The following COL20A1 variants were observed in gnomAD, a reference collection of about 807,000 sequenced individuals.
COL20A1 encodes collagen type XX alpha 1 chain, also known as collagen alpha-1(XX) chain.
A neutral mutation model predicts 152.9 loss-of-function variants in COL20A1; 164 were observed. That is an observed-to-expected ratio of 1.07 (90% CI 0.94 to 1.22). The LOEUF (loss-of-function observed/expected upper bound fraction) is 1.22, where lower values mean the gene tolerates loss of function less well. Ranked by LOEUF, COL20A1 falls within the 50% of genes most tolerant of loss-of-function variation. COL20A1 has a pLI of 0.00. For missense variants in COL20A1, 1,873 were observed against 1,744.8 expected (o/e 1.07, Z -1.31); for synonymous variants, 864 against 756.0 (o/e 1.14, Z -2.34).
rs1339972284 is a variant in COL20A1, at chr20:63,319,071, GC to G, written c.2683del (p.Leu895TyrfsTer27). 2.5e-6 allele frequency: 4 copies of G among 1,592,564 alleles called. No individual in the cohort carries two copies. The highest frequency in any genetic ancestry group is 2.3e-5 in the East Asian group (1 of 44,186). ...LTRRVSDVYP[A>X]PLPPEHTIVF... ...CAACCCCCACAGTGACGTCTACCCAGCCCCCCTACCTCCAGAGCACACCATC... is the reference window on the plus strand; with the variant it reads ...CAACCCCCACAGTGACGTCTACCCAGCCCCCTACCTCCAGAGCACACCATC... On this transcript the variant is annotated frameshift_variant, in exon 22 of 36. Transcript: ENST00000358894. LOFTEE classifies it high-confidence loss of function. This position sits in a 1 kb window ranked among gnomAD's most constrained non-coding sequence, Gnocchi z 4.4.
At chr20:63,320,918 C>T (rs2068153709) in intron 25 of COL20A1, 95 bp from the exon 26 acceptor site, 5 of 964,210 alleles carry the variant, frequency 5.2e-6, no homozygotes, top group Non-Finnish European at 7.8e-6. Context: ...GGAAGTCTCC[C>T]TGGAGCCCAG....
At chr20:63,304,998 G>T (rs1459338714) in intron 3 of COL20A1, among the ~76,000 whole-genome samples, 2 of 152,158 alleles carry the variant, frequency 1.3e-5, no homozygotes, top group Non-Finnish European at 2.9e-5. Context: ...CTTGCGGCTG[G>T]TCGGTCCGTG....
intron 33 of COL20A1, 24 bp from the exon 34 acceptor site, chr20:63,328,307 T>C: frequency 6.3e-7 from 1 of 1,599,638 alleles, no homozygotes; most frequent in South Asian, 1.1e-5. Flanking sequence ...CACTGTGTCC[T>C]GCTGACACCC....
rs370791937 is a variant in COL20A1 at position 63,294,778 on chromosome 20, C to G, written c.-10-320C>G. 1.7e-4 allele frequency among the ~76,000 whole-genome samples: 26 copies of G among 152,312 alleles called. No individual in the cohort carries two copies. The East Asian group carries it at 3.9e-3, about 23-fold the overall frequency. ...AGGCCCCGTGCCCGTCCCAGCCACC[C>G]CTGCACTGGGCGTGGGGACAACTGG... is the stretch of plus-strand genomic sequence containing the variant. On this transcript the variant is annotated intron_variant, in intron 1 of 35. Coordinates refer to ENST00000358894, the MANE Select transcript of COL20A1 (RefSeq NM_020882.4).
rs2068023792 is a variant in COL20A1 at position 63,312,567 on chromosome 20, G to A, written c.1933+18G>A. 2 of 1,555,098 alleles carry A rather than the reference G, an allele frequency of 1.3e-6. No homozygotes were observed. Among genetic ancestry groups the A allele is most frequent in the African/African-American group, 1.4e-5 (1 of 73,118 alleles). On this transcript the variant is annotated intron_variant, in intron 15 of 35. Transcript: ENST00000358894. ...GACCACCAGTGAGTGGGGAGAGGCTGGGGCTGGGGGTCCAGCAGGGTTTCT... is the reference window on the plus strand; with the variant it reads ...GACCACCAGTGAGTGGGGAGAGGCTAGGGCTGGGGGTCCAGCAGGGTTTCT...
At position 63,313,939 on chromosome 20, in the gene COL20A1, G is replaced by A; in HGVS notation, c.2358+48G>A. 3.2e-6 allele frequency: 5 copies of A among 1,582,880 alleles called. No homozygotes were observed. Among genetic ancestry groups the A allele is most frequent in the Non-Finnish European group, 4.3e-6 (5 of 1,164,264 alleles). Reference sequence around the variant, plus strand: ...GCTGCCCCACCTCGTGGGGCCTCCTGGAAGGGGTATGGCCACACTGTCTGC... The same window carrying A: ...GCTGCCCCACCTCGTGGGGCCTCCTAGAAGGGGTATGGCCACACTGTCTGC... On this transcript the variant is annotated intron_variant, in intron 18 of 35. Transcript: ENST00000358894. This position sits in a 1 kb window ranked among gnomAD's most constrained non-coding sequence, Gnocchi z 5.9.
At position 63,314,127 on chromosome 20, in the gene COL20A1, C is replaced by T. The variant is rs1253127212; in HGVS notation, c.2414C>T (p.Thr805Met). 9 of 1,611,530 alleles carry T rather than the reference C, an allele frequency of 5.6e-6. No homozygotes were observed. Among genetic ancestry groups the T allele is most frequent in the African/African-American group, 2.7e-5 (2 of 74,904 alleles). The change falls in exon 19 of 36, where the codon ACG becomes ATG. Residue 805 changes from threonine to methionine, a missense_variant. Thr to Met is a moderately conservative substitution (Grantham distance 81). Transcript: ENST00000358894. ...ACACTGCCCGACCTGCAGGCAGCCA[C>T]GAAGTACAGGGTCCTGGTCTCAGCT... ...HVTLPDLQAATKYRVLVSAIY... is the reference protein window; with the variant it reads ...HVTLPDLQAAMKYRVLVSAIY...
rs2068091090 is a variant in COL20A1, at chr20:63,316,802, G to T, written c.2663+111G>T. On this transcript the variant is annotated intron_variant, in intron 21 of 35. Coordinates refer to ENST00000358894, the MANE Select transcript of COL20A1 (RefSeq NM_020882.4). ...GGCCGGAGACCTCCTGGAGGCTGTG[G>T]GACAGGGCAGCGCTGCTATGTCAGC... 2.8e-6 allele frequency: 3 copies of T among 1,090,508 alleles called. No homozygotes were observed. The South Asian group carries it at 5.3e-5, about 19-fold the overall frequency. The allele number at this position is 1,090,508 out of a possible 1,614,324, so 67.6% of individuals were successfully genotyped here.
rs377307928 is a variant in COL20A1, at chr20:63,328,524, G to C, written c.3781+26G>C. The C allele has an allele frequency of 2.2e-4, 343 of 1,591,682 alleles. 4 individuals are homozygous for C. In the African/African-American group the frequency reaches 4.1e-3, roughly 19 times the overall value. ...GTACTGGGCTCCTGGCTCTTGGGGA[G>C]GGAGTTGTGGCCGGTGGGGGCGCCG... is the stretch of plus-strand genomic sequence containing the variant. On this transcript the variant is annotated intron_variant, in intron 34 of 35. Transcript: ENST00000358894.
rs771518879 is a variant in COL20A1 at position 63,297,890 on chromosome 20, A to G, written c.83-20A>G. 6 of 1,602,118 alleles carry G rather than the reference A, an allele frequency of 3.7e-6. No individual in the cohort carries two copies. The Admixed American group carries it at 8.4e-5, about 22-fold the overall frequency. On this transcript the variant is annotated intron_variant, in intron 2 of 35. Transcript: ENST00000358894. ...TGGGGAGGCCAGGTCAGTCCTGACCACTATGTCCTGTTTCTGTAGCAAGCG... is the reference window on the plus strand; with the variant it reads ...TGGGGAGGCCAGGTCAGTCCTGACCGCTATGTCCTGTTTCTGTAGCAAGCG...
intron 20 of COL20A1, 74 bp downstream of exon 20, chr20:63,315,513 G>A: frequency 1.5e-6 from 2 of 1,365,308 alleles, no homozygotes; most frequent in Non-Finnish European, 2.0e-6. Context: ...GGGGCCAAGG[G>A]TGTCGTGACC....
chr20:63,304,634 T>G (rs2067900726), intron 3 of COL20A1, among the ~76,000 whole-genome samples: 1 of 145,356 alleles, frequency 6.9e-6, no homozygotes, highest in South Asian at 2.3e-4. Flanking sequence ...TGCGCAGATG[T>G]GGGTTCCTCC....
In COL20A1 at chr20:63,313,652, C is replaced by T; in HGVS notation, c.2210-91C>T. 7.9e-7 allele frequency: 1 copy of T among 1,259,572 alleles called. No individual in the cohort carries two copies. The highest frequency in any genetic ancestry group is 1.1e-6 in the Non-Finnish European group (1 of 930,310). 78.0% of individuals were successfully genotyped at this position (1,259,572 alleles called of 1,614,324 possible). ...GATGTGGTGGAGGCATTACGCAGAG[C>T]AGGGTAGGGGCTGGGCAGCTGGTCC... On this transcript the variant is annotated intron_variant, in intron 17 of 35. Coordinates refer to ENST00000358894, the MANE Select transcript of COL20A1 (RefSeq NM_020882.4). The surrounding 1 kb of genome is among the most constrained non-coding windows in gnomAD (Gnocchi z 5.9).
Position 63,315,409 on chromosome 20 carries a change from C to T in COL20A1, c.2494C>T (p.Pro832Ser). Reference protein sequence around the residue: ...AVSATGQTACPALRPDGSLPG... With the variant: ...AVSATGQTACSALRPDGSLPG... ...ACCCTGTCTCCTCTCAGCAGCCTGC[C>T]CAGCCCTCCGCCCTGACGGCTCCCT... The change falls in exon 20 of 36, where the codon CCA becomes TCA. Residue 832 changes from proline (P) to serine (S), a missense_variant. Physicochemically the swap from Pro to Ser is moderately conservative, Grantham distance 74 (BLOSUM62 -1). Coordinates refer to ENST00000358894, the MANE Select transcript of COL20A1 (RefSeq NM_020882.4). 2.5e-6 allele frequency: 4 copies of T among 1,577,376 alleles called. No individual in the cohort carries two copies. The South Asian group carries it at 4.6e-5, about 18-fold the overall frequency.
At position 63,313,502 on chromosome 20, in the gene COL20A1, G is replaced by T. The variant is rs368500406; in HGVS notation, c.2210-241G>T. Among the ~76,000 whole-genome samples the T allele has an allele frequency of 7.4e-4, 113 of 152,270 alleles. No individual in the cohort carries two copies. Among genetic ancestry groups the T allele is most frequent in the African/African-American group, 2.7e-3 (112 of 41,550 alleles). ...GCAGCCCAGGCAGCAGCCCTGGTTG[G>T]GGGTATGGTGAGGGCCCTGGCAGGT... On this transcript the variant is annotated intron_variant, in intron 17 of 35. Transcript: ENST00000358894. The surrounding 1 kb of genome is among the most constrained non-coding windows in gnomAD (Gnocchi z 5.9).
intron 21 of COL20A1, among the ~76,000 whole-genome samples, chr20:63,317,459 G>A (rs1017091881): frequency 4.6e-5 from 6 of 131,098 alleles, no homozygotes; most frequent in East Asian, 2.3e-4. Context: ...GCAATACTCC[G>A]TCCCTTAAAA....
chr20:63,307,775 T>C, intron 6 of COL20A1, 127 bp downstream of exon 6: 1 of 1,220,264 alleles, frequency 8.2e-7, no homozygotes, highest in Non-Finnish European at 1.1e-6. Flanking sequence ...GTGGGACGCC[T>C]GCTCCACATG....
At chr20:63,323,824 G>A (rs1028732116) in intron 27 of COL20A1, among the ~76,000 whole-genome samples, 6 of 152,204 alleles carry the variant, frequency 3.9e-5, no homozygotes, top group African/African-American at 1.4e-4. Context: ...GAATTTTCCT[G>A]GCTCTCTTTG....
rs115782548 is a variant in COL20A1 at position 63,321,033 on chromosome 20, C to T, written c.3174C>T (p.Pro1058=). 8 of 1,594,302 alleles carry T rather than the reference C, an allele frequency of 5.0e-6. No homozygotes were observed. The highest frequency in any genetic ancestry group is 2.3e-5 in the South Asian group (2 of 87,338). Residue 1058 remains proline, a synonymous_variant, in exon 26 of 36, where the codon CCC becomes CCT. Transcript: ENST00000358894. ...LPASRDGETC[P]AFVSACSCSS... ...TCCAGAGGGATGGAGAGACCTGCCCCGCCTTCGTGTCTGCCTGTTCCTGTT... is the reference window on the plus strand; with the variant it reads ...TCCAGAGGGATGGAGAGACCTGCCCTGCCTTCGTGTCTGCCTGTTCCTGTT...
Sources: gnomAD v4.1 joint callset for allele counts (sites outside exome capture counted in the v4.1 genomes callset) on GRCh38, gnomAD v4.1.1 for gene constraint, Gnocchi (gnomAD v3.1) non-coding constraint, MANE v1.5 for transcripts, NCBI Gene and HGNC (gene_info 2026-07-23, HGNC 2026-07-21) for gene names.